The following INO80 variants were observed in gnomAD, a reference collection of about 807,000 sequenced individuals.
INO80 encodes the protein chromatin-remodeling ATPase INO80.
A neutral mutation model predicts 203.4 loss-of-function variants in INO80; 20 were observed. The ratio of observed to expected loss-of-function variants is 0.10; its 90% confidence interval spans 0.07 to 0.14. INO80 has a LOEUF of 0.14. Ranked by LOEUF, INO80 falls within the 10% of genes least tolerant of loss-of-function variation. The probability of loss-of-function intolerance (pLI) is 1.00; values close to 1 mark genes in which losing one functional copy is unlikely to be tolerated. For missense variants in INO80, 1,419 were observed against 1,914.4 expected (o/e 0.74, Z 4.83); for synonymous variants, 726 against 685.2 (o/e 1.06, Z -0.93).
At chr15:41,083,096 T>C (rs752027203) in intron 7 of INO80, among the ~76,000 whole-genome samples, 1 of 151,530 alleles carries the variant, frequency 6.6e-6, no homozygotes, top group Non-Finnish European at 1.5e-5. Flanking sequence ...GCCTGGCTAA[T>C]AGGGTGAAAC....
intron 28 of INO80, chr15:41,005,368 T>TACTTCA: frequency 2.3e-6 from 1 of 430,630 alleles, no homozygotes; most frequent in Non-Finnish European, 4.1e-6. Flanking sequence ...TAAGAAAGCA[T>TACTTCA]ACTTCAAACA....
intron 4 of INO80, 135 bp downstream of exon 4, chr15:41,095,466 A>G: frequency 1.5e-6 from 1 of 662,822 alleles, no homozygotes; most frequent in Non-Finnish European, 2.6e-6. Flanking sequence ...AATCTCTTCA[A>G]AAAAACCACA....
intron 27 of INO80, among the ~76,000 whole-genome samples, chr15:41,008,919 C>T (rs1282963277): frequency 6.6e-6 from 1 of 152,188 alleles, no homozygotes; most frequent in East Asian, 1.9e-4. Flanking sequence ...CAGCAACTTC[C>T]ACTTCCGGGG....
intron 15 of INO80, among the ~76,000 whole-genome samples, chr15:41,059,099 A>G (rs1374380554): frequency 1.3e-5 from 2 of 151,888 alleles, no homozygotes; most frequent in Non-Finnish European, 2.9e-5. Context: ...CTACAGGCAT[A>G]TACCACCATG....
chr15:41,046,240 T>C (rs62001360), intron 23 of INO80, among the ~76,000 whole-genome samples: 4 of 32,454 alleles, frequency 1.2e-4, no homozygotes, highest in Admixed American at 5.1e-4. Flanking sequence ...TATATATATA[T>C]ATATATATAT....
Position 41,049,427 on chromosome 15 carries a change from G to C in INO80, c.2443-7C>G. 1 of 1,613,594 alleles carries C rather than the reference G, an allele frequency of 6.2e-7. No homozygotes were observed. The highest frequency in any genetic ancestry group is 8.5e-7 in the Non-Finnish European group (1 of 1,179,672). ...ACTCCGGGTGATTACACACCTAAAA[G>C]GAAGGGAAATGGTAAGACAATATTA... On this transcript the variant is annotated splice_region_variant and splice_polypyrimidine_tract_variant and intron_variant, in intron 20 of 35. Coordinates refer to ENST00000648947, the MANE Select transcript of INO80 (RefSeq NM_017553.3).
intron 1 of INO80, among the ~76,000 whole-genome samples, chr15:41,106,916 T>C (rs1004425085): frequency 2.0e-5 from 3 of 152,228 alleles, no homozygotes; most frequent in African/African-American, 4.8e-5. Flanking sequence ...AACTGTTCAA[T>C]TGTAGTTACC....
intron 35 of INO80, among the ~76,000 whole-genome samples, chr15:40,981,115 G>C (rs1163386394): frequency 1.3e-5 from 2 of 152,166 alleles, no homozygotes; most frequent in African/African-American, 2.4e-5. Flanking sequence ...CATATGTACT[G>C]GTTTTACTTT....
chr15:40,990,173 A>G (rs8043232), intron 29 of INO80, among the ~76,000 whole-genome samples: 16,659 of 152,018 alleles, frequency 0.11, 2,674 homozygotes, highest in African/African-American at 0.35. Flanking sequence ...ACTGGTCTGA[A>G]ATCACAGCAA....
chr15:41,079,642 G>A (rs1381211742), intron 9 of INO80, 59 bp downstream of exon 9: 17 of 1,445,946 alleles, frequency 1.2e-5, no homozygotes, highest in South Asian at 3.5e-5. Context: ...AAATGCAAAC[G>A]AATCTCTTCA....
chr15:40,987,470 C>T (rs2043754026), intron 30 of INO80, among the ~76,000 whole-genome samples: 2 of 152,158 alleles, frequency 1.3e-5, no homozygotes, highest in African/African-American at 4.8e-5. Flanking sequence ...ACAAATTTGG[C>T]ATACAATTCA....
intron 18 of INO80, 30 bp from the exon 19 acceptor site, chr15:41,054,044 C>T: frequency 2.6e-6 from 4 of 1,557,576 alleles, no homozygotes; most frequent in Non-Finnish European, 3.5e-6. Flanking sequence ...CCAAATAATA[C>T]ATTATAGTGA....
intron 24 of INO80, among the ~76,000 whole-genome samples, chr15:41,034,265 A>G (rs1166418999): frequency 6.6e-6 from 1 of 152,202 alleles, no homozygotes; most frequent in Non-Finnish European, 1.5e-5. Flanking sequence ...CAAGGGTTTT[A>G]TAGGCACATT....
At chr15:41,023,246 T>C in intron 25 of INO80, 1 of 455,246 alleles carries the variant, frequency 2.2e-6, no homozygotes, top group Non-Finnish European at 4.4e-6. Flanking sequence ...AGCAGGTGGA[T>C]GAAAATTGGG....
chr15:41,039,258 TGAGC>T (rs2044631385), intron 24 of INO80, among the ~76,000 whole-genome samples: 1 of 152,180 alleles, frequency 6.6e-6, no homozygotes, highest in Non-Finnish European at 1.5e-5. Context: ...ATTAAAGGCA[TGAGC>T]CAACACCACA....
chr15:41,049,772 G>C (rs1596292680), intron 20 of INO80, among the ~76,000 whole-genome samples, 163 bp downstream of exon 20: 1 of 152,294 alleles, frequency 6.6e-6, no homozygotes, highest in Non-Finnish European at 1.5e-5. Flanking sequence ...TGTAGTCTCA[G>C]CTCCTTGGGA....
At chr15:41,012,672 C>T (rs1296303274) in intron 27 of INO80, among the ~76,000 whole-genome samples, 6 of 151,592 alleles carry the variant, frequency 4.0e-5, no homozygotes, top group Admixed American at 2.0e-4. Flanking sequence ...GGCTTCTGCC[C>T]GTGGCAAACT....
chr15:41,105,797 C>T (rs927725589), intron 1 of INO80, among the ~76,000 whole-genome samples: 21 of 152,152 alleles, frequency 1.4e-4, no homozygotes, highest in African/African-American at 5.1e-4. Context: ...TTTGCTCCTT[C>T]GACATAACCC....
At chr15:41,006,077 C>T (rs987104497) in intron 27 of INO80, among the ~76,000 whole-genome samples, 1 of 151,208 alleles carries the variant, frequency 6.6e-6, no homozygotes, top group Non-Finnish European at 1.5e-5. Flanking sequence ...TTCACTGAAA[C>T]GAATGTGTTT....
Sources: gnomAD v4.1 joint callset for allele counts (sites outside exome capture counted in the v4.1 genomes callset) on GRCh38, gnomAD v4.1.1 for gene constraint, MANE v1.5 for transcripts, NCBI Gene and HGNC (gene_info 2026-07-23, HGNC 2026-07-21) for gene names.